The following SERPINI1 variants were observed in gnomAD, a reference collection of about 807,000 sequenced individuals.
SERPINI1 encodes neuroserpin.
SERPINI1 carries 19 observed loss-of-function variants against 41.1 expected under a neutral mutation model. That is an observed-to-expected ratio of 0.46 (90% CI 0.32 to 0.68). SERPINI1 has a LOEUF of 0.68. Ranked by LOEUF, SERPINI1 falls within the 30% of genes least tolerant of loss-of-function variation. The probability of loss-of-function intolerance (pLI) is 0.03; values close to 1 mark genes in which losing one functional copy is unlikely to be tolerated. For synonymous variants in SERPINI1, 138 were observed against 156.6 expected (o/e 0.88, Z 0.89); for missense variants, 460 against 479.2 (o/e 0.96, Z 0.37).
At chr3:167,763,122 C>G (rs930368023) in intron 1 of SERPINI1, among the ~76,000 whole-genome samples, 2 of 152,084 alleles carry the variant, frequency 1.3e-5, no homozygotes, top group African/African-American at 4.8e-5. Context: ...AGACTTGGGC[C>G]AAGCAGTGGG....
chr3:167,763,357 T>TTGTGTGTGTGTG lies in SERPINI1; in HGVS notation c.-18-25744_-18-25733dup, dbSNP rs35578479. Reference sequence around the variant, plus strand: ...CCACTGTCATATTTCAACCACAGTTTTGTGTGTGTGTGTGTGTGTGTATGT... The same window carrying TTGTGTGTGTGTG: ...CCACTGTCATATTTCAACCACAGTTTTGTGTGTGTGTGTGTGTGTGTGTGTGTGTGTGTATGT... On this transcript the variant is annotated intron_variant, in intron 1 of 8. Coordinates refer to ENST00000446050, the MANE Select transcript of SERPINI1 (RefSeq NM_001122752.2). 6.0e-3 allele frequency among the ~76,000 whole-genome samples: 883 copies of TTGTGTGTGTGTG among 147,722 alleles called. 9 individuals carry two copies. Among genetic ancestry groups the TTGTGTGTGTGTG allele is most frequent in the Middle Eastern group, 0.038 (11 of 292 alleles).
chr3:167,792,403 A>AGTTGT (rs1727556536), intron 3 of SERPINI1, among the ~76,000 whole-genome samples, 187 bp from the exon 4 acceptor site: 3 of 151,168 alleles, frequency 2.0e-5, no homozygotes, highest in Non-Finnish European at 4.4e-5. Flanking sequence ...ATATATATGT[A>AGTTGT]GTGTGTGTGT....
intron 6 of SERPINI1, among the ~76,000 whole-genome samples, chr3:167,817,297 A>G (rs1401109252): frequency 1.3e-5 from 2 of 152,170 alleles, no homozygotes; most frequent in South Asian, 2.1e-4. Flanking sequence ...AGCTTGGTCT[A>G]TGATTTTCTT....
chr3:167,807,152 A>C, intron 5 of SERPINI1, 92 bp from the exon 6 acceptor site: 1 of 895,224 alleles, frequency 1.1e-6, no homozygotes, highest in South Asian at 1.4e-5. Context: ...TCCATAAAGC[A>C]GACTTTAAAT....
chr3:167,824,264 T>G (rs1330357202), intron 7 of SERPINI1, among the ~76,000 whole-genome samples: 1 of 152,218 alleles, frequency 6.6e-6, no homozygotes, highest in East Asian at 1.9e-4. Flanking sequence ...GTTTGTGGTG[T>G]GTGTTTGTTT....
At chr3:167,790,216 A>G (rs538956858) in intron 2 of SERPINI1, among the ~76,000 whole-genome samples, 156 bp from the exon 3 acceptor site, 72 of 152,322 alleles carry the variant, frequency 4.7e-4, no homozygotes, top group African/African-American at 1.6e-3. Context: ...AAATAGTACA[A>G]GTATTGGACC....
intron 6 of SERPINI1, among the ~76,000 whole-genome samples, chr3:167,811,795 T>G (rs1010514039): frequency 2.0e-5 from 3 of 152,174 alleles, no homozygotes; most frequent in Non-Finnish European, 4.4e-5. Context: ...CACAGGACAG[T>G]CCAGGAGTTC....
At chr3:167,796,494 C>G (rs932127659) in intron 5 of SERPINI1, among the ~76,000 whole-genome samples, 1 of 152,050 alleles carries the variant, frequency 6.6e-6, no homozygotes, top group African/African-American at 2.4e-5. Context: ...GCTATTTATC[C>G]TGATACTCTC....
In SERPINI1 at chr3:167,794,660, C is replaced by T. The variant is rs775700678; in HGVS notation, c.717C>T (p.Tyr239=). The change falls in exon 5 of 9, where the codon TAC becomes TAT. Residue 239 remains tyrosine (Y), a synonymous_variant. Transcript: ENST00000446050. ...GCTCCAATGAAGCTGGTGGTATCTA[C>T]CAAGTCCTAGAAATACCATATGAAG... ...SDGSNEAGGI[Y]QVLEIPYEGD... 7 of 1,613,318 alleles carry T rather than the reference C, an allele frequency of 4.3e-6. No homozygotes were observed. The East Asian group carries it at 1.3e-4, about 31-fold the overall frequency.
chr3:167,819,924 T>C (rs1712251822), intron 6 of SERPINI1, among the ~76,000 whole-genome samples: 1 of 152,200 alleles, frequency 6.6e-6, no homozygotes, highest in Non-Finnish European at 1.5e-5. Flanking sequence ...CTGTGCTCTT[T>C]CGAAAAATGT....
At chr3:167,747,773 A>C (rs915629621) in intron 1 of SERPINI1, among the ~76,000 whole-genome samples, 1 of 152,210 alleles carries the variant, frequency 6.6e-6, no homozygotes, top group Non-Finnish European at 1.5e-5. Context: ...TAAAAATAGG[A>C]GTTATGGAAG....
intron 1 of SERPINI1, among the ~76,000 whole-genome samples, chr3:167,768,147 G>A (rs750969211): frequency 6.6e-6 from 1 of 152,156 alleles, no homozygotes; most frequent in Non-Finnish European, 1.5e-5. Flanking sequence ...CTTATTTTAA[G>A]ATATTGCTAC....
At chr3:167,739,090 G>A (rs553382641) in intron 1 of SERPINI1, among the ~76,000 whole-genome samples, 1 of 150,864 alleles carries the variant, frequency 6.6e-6, no homozygotes, top group African/African-American at 2.4e-5. Context: ...CACAAATAAG[G>A]GAGAGATTTT....
intron 1 of SERPINI1, among the ~76,000 whole-genome samples, chr3:167,740,485 G>A (rs1186291883): frequency 6.6e-6 from 1 of 152,136 alleles, no homozygotes; most frequent in Non-Finnish European, 1.5e-5. Context: ...TTCATACTTG[G>A]TAAGTAGTAA....
intron 2 of SERPINI1, 63 bp downstream of exon 2, chr3:167,789,441 T>C: frequency 3.2e-6 from 5 of 1,574,730 alleles, no homozygotes; most frequent in Non-Finnish European, 4.4e-6. Context: ...AGTTATGTTG[T>C]ATTCTTATTC....
At chr3:167,777,498 C>T (rs904462786) in intron 1 of SERPINI1, among the ~76,000 whole-genome samples, 1 of 152,130 alleles carries the variant, frequency 6.6e-6, no homozygotes, top group Admixed American at 6.5e-5. Flanking sequence ...TGGAGGTTTA[C>T]AGCCTCTATC....
At chr3:167,744,638 T>TTATATATAAA (rs1208594115) in intron 1 of SERPINI1, among the ~76,000 whole-genome samples, 2 of 130,848 alleles carry the variant, frequency 1.5e-5, no homozygotes, top group Middle Eastern at 3.4e-3. Flanking sequence ...TATTTTATAT[T>TTATATATAAA]TATATATAAA....
intron 6 of SERPINI1, among the ~76,000 whole-genome samples, chr3:167,808,477 A>G (rs1711740881): frequency 6.6e-6 from 1 of 152,182 alleles, no homozygotes; most frequent in Admixed American, 6.5e-5. Flanking sequence ...GAAAATAAAA[A>G]TACAATCTGT....
At chr3:167,775,026 C>G (rs1314339873) in intron 1 of SERPINI1, among the ~76,000 whole-genome samples, 1 of 151,976 alleles carries the variant, frequency 6.6e-6, no homozygotes, top group East Asian at 1.9e-4. Context: ...ACTAACAGCC[C>G]TATATCCTGC....
Sources: allele counts gnomAD v4.1 joint callset (sites outside exome capture counted in the v4.1 genomes callset), GRCh38; gene constraint gnomAD v4.1.1; transcripts MANE v1.5; gene names NCBI Gene and HGNC (gene_info 2026-07-23, HGNC 2026-07-21).